Variants in TMEM82 observed in about 807,000 individuals in gnomAD.
TMEM82 encodes the protein transmembrane protein 82.
In TMEM82, 30 loss-of-function variants were observed where a neutral mutation model predicts 29.2. That is an observed-to-expected ratio of 1.03 (90% CI 0.77 to 1.39). The LOEUF is 1.39. Among genes scored for constraint, TMEM82 ranks in the 40% most tolerant of loss-of-function variants. TMEM82 has a pLI of 0.00. For synonymous variants in TMEM82, 221 were observed against 225.4 expected (o/e 0.98, Z 0.18); for missense variants, 442 against 447.7 (o/e 0.99, Z 0.12).
intron 3 of TMEM82, among the ~76,000 whole-genome samples, chr1:15,743,425 T>A (rs962165041): frequency 2.0e-5 from 3 of 152,240 alleles, no homozygotes; most frequent in African/African-American, 7.2e-5. Context: ...ACAGTTTCTG[T>A]AGATCCGGCC....
chr1:15,745,123 C>T lies in TMEM82; in HGVS notation c.757+543C>T, dbSNP rs115568844. The stretch of plus-strand genomic sequence containing the variant: ...GTGCAGTGGCACGATCATGGCTCAC[C>T]GCAGCCTTGACCTTCTGGGCTCAAG... On this transcript the variant is annotated intron_variant, in intron 4 of 5. Coordinates refer to ENST00000375782, the MANE Select transcript of TMEM82 (RefSeq NM_001013641.3). Among the ~76,000 whole-genome samples, 260 of 152,234 alleles carry T rather than the reference C, an allele frequency of 1.7e-3. 1 individual carries two copies. Among genetic ancestry groups the T allele is most frequent in the African/African-American group, 5.9e-3 (243 of 41,534 alleles).
At chr1:15,745,671 T>C (rs1205486007) in intron 4 of TMEM82, among the ~76,000 whole-genome samples, 3 of 151,808 alleles carry the variant, frequency 2.0e-5, no homozygotes, top group Admixed American at 2.0e-4. Flanking sequence ...GGCAGGTGGA[T>C]CACCTGAGGT....
chr1:15,747,065 C>T lies in TMEM82; in HGVS notation c.945+11C>T. The T allele has an allele frequency of 6.2e-7, 1 of 1,600,054 alleles. No homozygotes were observed. The highest frequency in any genetic ancestry group is 2.2e-5 in the East Asian group (1 of 44,614). On this transcript the variant is annotated intron_variant, in intron 5 of 5. Coordinates refer to ENST00000375782, the MANE Select transcript of TMEM82 (RefSeq NM_001013641.3). ...CTCTGCCAGATACAGGTGGGCACCC[C>T]CATCCCATGTGTCCCCCAGACAATG...
rs527631817 is a variant in TMEM82, at chr1:15,743,167, C to T, written c.309C>T (p.Ala103=). The part of the protein sequence containing the change: ...ALVVLEFSLR[A]VSTLLSLGKG... ...TGGTGCTCGAGTTCTCCCTCCGGGCCGTGTCCACGCTGCTGTCCCTGGGCA... is the reference window on the plus strand; with the variant it reads ...TGGTGCTCGAGTTCTCCCTCCGGGCTGTGTCCACGCTGCTGTCCCTGGGCA... The change falls in exon 3 of 6, where the codon GCC becomes GCT. Residue 103 remains alanine, a synonymous_variant. Transcript: ENST00000375782. 1.7e-5 allele frequency: 28 copies of T among 1,609,584 alleles called. No individual in the cohort carries two copies. Among genetic ancestry groups the T allele is most frequent in the South Asian group, 9.9e-5 (9 of 91,058 alleles).
In TMEM82 at chr1:15,747,652, G is replaced by A; in HGVS notation, c.*20G>A. 6.2e-7 allele frequency: 1 copy of A among 1,608,882 alleles called. No individual in the cohort carries two copies. On this transcript the variant is annotated 3_prime_UTR_variant, in exon 6 of 6. Transcript: ENST00000375782. ...TCTTGACCTGCCTCAGGGAGGATCT[G>A]GAGTCTGTCTCAAGCCCACTAGCCT...
Position 15,747,058 on chromosome 1 carries a change from G to A in TMEM82, c.945+4G>A. 1 of 1,603,484 alleles carries A rather than the reference G, an allele frequency of 6.2e-7. No homozygotes were observed. Among genetic ancestry groups the A allele is most frequent in the African/African-American group, 1.3e-5 (1 of 74,692 alleles). ...GCTTGACCTCTGCCAGATACAGGTG[G>A]GCACCCCCATCCCATGTGTCCCCCA... On this transcript the variant is annotated splice_donor_region_variant and intron_variant, in intron 5 of 5. Coordinates refer to ENST00000375782, the MANE Select transcript of TMEM82 (RefSeq NM_001013641.3).
At chr1:15,746,196 A>G (rs2068334070) in intron 4 of TMEM82, among the ~76,000 whole-genome samples, 1 of 151,780 alleles carries the variant, frequency 6.6e-6, no homozygotes, top group South Asian at 2.1e-4. Context: ...ACAAACAAAA[A>G]AACGGGGCCA....
At chr1:15,746,327 T>C (rs2148396166) in intron 4 of TMEM82, among the ~76,000 whole-genome samples, 1 of 138,932 alleles carries the variant, frequency 7.2e-6, no homozygotes, top group South Asian at 2.2e-4. Context: ...CTACTAAAAA[T>C]ACAAAAAATT....
Position 15,743,726 on chromosome 1 carries a change from G to A in TMEM82, c.337-434G>A, listed in dbSNP as rs191642045. ...CCCAGCACTTTGGGAGGCCGAGGCAGGCGGATCACCTGAGGTTAGGATTTC... is the reference window on the plus strand; with the variant it reads ...CCCAGCACTTTGGGAGGCCGAGGCAAGCGGATCACCTGAGGTTAGGATTTC... On this transcript the variant is annotated intron_variant, in intron 3 of 5. Coordinates refer to ENST00000375782, the MANE Select transcript of TMEM82 (RefSeq NM_001013641.3). Among the ~76,000 whole-genome samples the A allele has an allele frequency of 1.6e-3, 241 of 152,338 alleles. 2 individuals carry two copies. Among genetic ancestry groups the A allele is most frequent in the African/African-American group, 5.1e-3 (213 of 41,570 alleles).
Position 15,742,592 on chromosome 1 carries a change from C to G in TMEM82, c.33C>G (p.Leu11=). The change falls in exon 1 of 6, where the codon CTC becomes CTG. Residue 11 remains leucine (L), a synonymous_variant. Transcript: ENST00000375782. ...CTCTTCCATCCCTCCCCTCCTGGCT[C>G]CCCGGCCTCCCCTCCCTCGAGTGGG... MFSLPSLPSW[L]PGLPSLEWGS... 6.2e-7 allele frequency: 1 copy of G among 1,602,020 alleles called. No homozygotes were observed. Among genetic ancestry groups the G allele is most frequent in the Non-Finnish European group, 8.5e-7 (1 of 1,175,308 alleles).
intron 4 of TMEM82, among the ~76,000 whole-genome samples, chr1:15,745,434 G>A (rs994050900): frequency 6.6e-6 from 1 of 151,912 alleles, no homozygotes; most frequent in African/African-American, 2.4e-5. Context: ...CACAAGAATC[G>A]CTTGAACCCA....
Position 15,744,148 on chromosome 1 carries a change from C to A in TMEM82, c.337-12C>A. 1 of 1,509,734 alleles carries A rather than the reference C, an allele frequency of 6.6e-7. No homozygotes were observed. The highest frequency in any genetic ancestry group is 1.3e-5 in the South Asian group (1 of 77,962). 93.5% of individuals were successfully genotyped at this position (1,509,734 alleles called of 1,614,324 possible). ...CCCCCACATCTCGGCCCCTCTTCGGCACTCCCCGCAGGGCTCCCAGGGTGC... is the reference window on the plus strand; with the variant it reads ...CCCCCACATCTCGGCCCCTCTTCGGAACTCCCCGCAGGGCTCCCAGGGTGC... On this transcript the variant is annotated splice_polypyrimidine_tract_variant and intron_variant, in intron 3 of 5. Transcript: ENST00000375782. The surrounding 1 kb of genome is among the most constrained non-coding windows in gnomAD (Gnocchi z 5.2).
At position 15,743,163 on chromosome 1, in the gene TMEM82, G is replaced by C. The variant is rs747312105; in HGVS notation, c.305G>C (p.Arg102Pro). 1 of 1,610,056 alleles carries C rather than the reference G, an allele frequency of 6.2e-7. No individual in the cohort carries two copies. Among genetic ancestry groups the C allele is most frequent in the Non-Finnish European group, 8.5e-7 (1 of 1,179,850 alleles). ...CTCGTGGTGCTCGAGTTCTCCCTCC[G>C]GGCCGTGTCCACGCTGCTGTCCCTG... ...AALVVLEFSL[R>P]AVSTLLSLGK... Residue 102 changes from arginine to proline, a missense_variant, in exon 3 of 6, where the codon CGG (arginine) becomes CCG (proline). Arg to Pro is a moderately radical substitution (Grantham distance 103). Transcript: ENST00000375782.
chr1:15,743,970 A>AAAAAC (rs1266606055), intron 3 of TMEM82, among the ~76,000 whole-genome samples, 190 bp from the exon 4 acceptor site: 1 of 151,982 alleles, frequency 6.6e-6, no homozygotes, highest in Non-Finnish European at 1.5e-5. Context: ...GTCTAAAAAA[A>AAAAAC]AAAACAAAAC....
In TMEM82 at chr1:15,744,524, T is replaced by C. The variant is rs987404344; in HGVS notation, c.701T>C (p.Met234Thr). Reference protein sequence around the residue: ...NQDFLTTSEAMRFWTPLTICY... With the variant: ...NQDFLTTSEATRFWTPLTICY... Reference sequence around the variant, plus strand: ...GACTTCCTGACCACCTCGGAGGCCATGCGGTTCTGGACACCGCTCACCATC... The same window carrying C: ...GACTTCCTGACCACCTCGGAGGCCACGCGGTTCTGGACACCGCTCACCATC... The change falls in exon 4 of 6, where the codon ATG becomes ACG. Residue 234 changes from methionine (M) to threonine (T), a missense_variant. Coordinates refer to ENST00000375782, the MANE Select transcript of TMEM82 (RefSeq NM_001013641.3). The surrounding 1 kb of genome is among the most constrained non-coding windows in gnomAD (Gnocchi z 5.2). 2.5e-6 allele frequency: 4 copies of C among 1,612,540 alleles called. No individual in the cohort carries two copies. The highest frequency in any genetic ancestry group is 1.1e-5 in the South Asian group (1 of 90,920).
At position 15,743,198 on chromosome 1, in the gene TMEM82, A is replaced by C; in HGVS notation, c.336+4A>C. ...CACGCTGCTGTCCCTGGGCAAGGTG[A>C]GGCCTCCGGGAAGGCAGTGGGTGGA... On this transcript the variant is annotated splice_donor_region_variant and intron_variant, in intron 3 of 5. Coordinates refer to ENST00000375782, the MANE Select transcript of TMEM82 (RefSeq NM_001013641.3). 6.2e-7 allele frequency: 1 copy of C among 1,604,852 alleles called. No individual in the cohort carries two copies. The highest frequency in any genetic ancestry group is 8.5e-7 in the Non-Finnish European group (1 of 1,179,298).
At position 15,742,543 on chromosome 1, in the gene TMEM82, C is replaced by G; in HGVS notation, c.-17C>G. 1 of 1,563,486 alleles carries G rather than the reference C, an allele frequency of 6.4e-7. No individual in the cohort carries two copies. The highest frequency in any genetic ancestry group is 8.6e-7 in the Non-Finnish European group (1 of 1,157,954). The stretch of plus-strand genomic sequence containing the variant: ...ACGCAGACCTGGCCGGAGGCTGGGG[C>G]TCCTTCCGGGGCTGCCATGTTCTCT... On this transcript the variant is annotated 5_prime_UTR_variant, in exon 1 of 6. Coordinates refer to ENST00000375782, the MANE Select transcript of TMEM82 (RefSeq NM_001013641.3).
chr1:15,742,779 C>A, intron 1 of TMEM82, 56 bp from the exon 2 acceptor site: 3 of 1,572,288 alleles, frequency 1.9e-6, no homozygotes, highest in African/African-American at 1.3e-5. Context: ...ACCAATGAAG[C>A]CTGCCCTCCT....
Position 15,747,008 on chromosome 1 carries a change from G to C in TMEM82, c.899G>C (p.Trp300Ser). 1 of 1,612,096 alleles carries C rather than the reference G, an allele frequency of 6.2e-7. No homozygotes were observed. Among genetic ancestry groups the C allele is most frequent in the South Asian group, 1.1e-5 (1 of 91,066 alleles). Residue 300 changes from tryptophan (W) to serine (S), a missense_variant, in exon 5 of 6, where the codon TGG becomes TCG. Physicochemically the swap from Trp to Ser is radical, Grantham distance 177. Coordinates refer to ENST00000375782, the MANE Select transcript of TMEM82 (RefSeq NM_001013641.3). Reference sequence around the variant, plus strand: ...CTTGTCTCCCTACTGGGCGAGCTCTGGTGTCTCGTGGGCGTCCGCACCCTG... The same window carrying C: ...CTTGTCTCCCTACTGGGCGAGCTCTCGTGTCTCGTGGGCGTCCGCACCCTG... ...GILVSLLGEL[W>S]CLVGVRTLLD...
Sources: allele counts gnomAD v4.1 joint callset (sites outside exome capture counted in the v4.1 genomes callset), GRCh38; gene constraint gnomAD v4.1.1; non-coding constraint Gnocchi (gnomAD v3.1); transcripts MANE v1.5; gene names NCBI Gene and HGNC (gene_info 2026-07-23, HGNC 2026-07-21).